The following TARS2 variants were observed in gnomAD, a reference collection of about 807,000 sequenced individuals.
TARS2 encodes threonine--tRNA ligase, mitochondrial.
In TARS2, 61 loss-of-function variants were observed where a neutral mutation model predicts 94.4. The observed-to-expected ratio is 0.65, with a 90% CI of 0.53 to 0.80. The LOEUF is 0.80. Among genes scored for constraint, TARS2 ranks in the 30% least tolerant of loss-of-function variants. The pLI is 0.00. For synonymous variants in TARS2, 359 were observed against 353.4 expected, an observed-to-expected ratio of 1.02 and a Z score of -0.18; for missense variants, 704 against 902.5, an observed-to-expected ratio of 0.78 and a Z score of 2.82.
intron 7 of TARS2, among the ~76,000 whole-genome samples, chr1:150,494,632 G>C (rs997363591): frequency 6.6e-6 from 1 of 151,882 alleles, no homozygotes; most frequent in African/African-American, 2.4e-5. Flanking sequence ...CCAGCTACTC[G>C]GGAGGCTGAG....
At chr1:150,496,381 C>A (rs1292004271) in intron 7 of TARS2, 101 bp from the exon 8 acceptor site, 11 of 1,387,666 alleles carry the variant, frequency 7.9e-6, no homozygotes, top group Non-Finnish European at 1.1e-5. Flanking sequence ...TGTCAAGAGG[C>A]ATACCTGTGA....
intron 3 of TARS2, among the ~76,000 whole-genome samples, chr1:150,490,292 A>G (rs1669325294): frequency 6.6e-6 from 1 of 151,688 alleles, no homozygotes; most frequent in Non-Finnish European, 1.5e-5. Context: ...CTAGTTTTGT[A>G]TGTTTTAGCA....
chr1:150,499,254 G>A lies in TARS2; in HGVS notation c.1578G>A (p.Trp526Ter), dbSNP rs756869375. ...CCCTGAAGGAATTTGGAGAACCCTG[G>A]GACCTCAACTCTGGAGATGGTGCCT... ...KQALKEFGEP[W>*]DLNSGDGAFY... Residue 526 changes from tryptophan to a stop codon, truncating the protein, a stop_gained, in exon 13 of 18, where the codon TGG (tryptophan) becomes TGA (stop). Transcript: ENST00000369064. LOFTEE classifies it high-confidence loss of function. 2 of 1,614,110 alleles carry A rather than the reference G, an allele frequency of 1.2e-6. No homozygotes were observed. Among genetic ancestry groups the A allele is most frequent in the East Asian group, 4.5e-5 (2 of 44,886 alleles).
chr1:150,495,224 A>G (rs1403524057), intron 7 of TARS2, among the ~76,000 whole-genome samples: 2 of 148,976 alleles, frequency 1.3e-5, no homozygotes, highest in African/African-American at 4.9e-5. Context: ...GGTGGCCTGT[A>G]GTCCCAGCTA....
chr1:150,503,545 A>ATGTGTGTGTGTG (rs368609900), intron 13 of TARS2, among the ~76,000 whole-genome samples: 3 of 95,576 alleles, frequency 3.1e-5, no homozygotes, highest in Admixed American at 1.9e-4. Flanking sequence ...AAATACACAT[A>ATGTGTGTGTGTG]TGTGTGTGTG....
chr1:150,507,366 A>G lies in TARS2; in HGVS notation c.*302A>G, dbSNP rs138986385. The G allele has an allele frequency of 0.018, 4,459 of 245,260 alleles. 191 individuals carry two copies. Among genetic ancestry groups the G allele is most frequent in the African/African-American group, 0.094 (4,148 of 44,358 alleles). 15.2% of individuals were successfully genotyped at this position (245,260 alleles called of 1,614,324 possible). On this transcript the variant is annotated 3_prime_UTR_variant, in exon 18 of 18. Coordinates refer to ENST00000369064, the MANE Select transcript of TARS2 (RefSeq NM_025150.5). ...GGACGGATCATGAGGTCAGGAGATC[A>G]AGACCACCCTGGCTAACACGGTGAA...
At chr1:150,489,774 T>G (rs183488382) in intron 3 of TARS2, among the ~76,000 whole-genome samples, 17 of 152,202 alleles carry the variant, frequency 1.1e-4, no homozygotes, top group African/African-American at 3.1e-4. Flanking sequence ...AAACCCCGTC[T>G]CTACTAAAAA....
chr1:150,507,440 A>G lies in TARS2; in HGVS notation c.*376A>G, dbSNP rs1397508645. 5.9e-5 allele frequency: 10 copies of G among 169,606 alleles called. No homozygotes were observed. The highest frequency in any genetic ancestry group is 1.7e-4 in the African/African-American group (7 of 41,678). The allele number at this position is 169,606 out of a possible 1,614,324, so 10.5% of individuals were successfully genotyped here. A position where few individuals can be genotyped will look rare whatever the true frequency, so the allele number is the denominator to read the frequency against. ...AAAAATTAGCCGGGCATGGTGGCAC[A>G]CGCCTGTAATCCCAGCTACTCAGGA... On this transcript the variant is annotated 3_prime_UTR_variant, in exon 18 of 18. Coordinates refer to ENST00000369064, the MANE Select transcript of TARS2 (RefSeq NM_025150.5).
chr1:150,500,947 A>G (rs1669885209), intron 13 of TARS2, among the ~76,000 whole-genome samples: 1 of 152,190 alleles, frequency 6.6e-6, no homozygotes, highest in Non-Finnish European at 1.5e-5. Flanking sequence ...AGAAGCCTTC[A>G]TAGAAGGGAT....
intron 4 of TARS2, among the ~76,000 whole-genome samples, chr1:150,491,147 A>G (rs1047992756): frequency 1.3e-5 from 2 of 152,106 alleles, no homozygotes; most frequent in South Asian, 2.1e-4. Context: ...CCTCATTACT[A>G]TTGTTCTAAC....
chr1:150,497,303 G>A (rs1287696644), intron 9 of TARS2, among the ~76,000 whole-genome samples: 1 of 151,928 alleles, frequency 6.6e-6, no homozygotes. Flanking sequence ...AAAAAAAGGT[G>A]GGGGGGCTGG....
At position 150,491,657 on chromosome 1, in the gene TARS2, A is replaced by C. The variant is rs1396345948; in HGVS notation, c.690A>C (p.Val230=). 6.2e-7 allele frequency: 1 copy of C among 1,614,200 alleles called. No individual in the cohort carries two copies. The highest frequency in any genetic ancestry group is 1.3e-5 in the African/African-American group (1 of 75,062). ...AAGTGACAGGTCCAACAGCAACAGTATATGGGTAAGAGTTGTCAAGATTAA... is the reference window on the plus strand; with the variant it reads ...AAGTGACAGGTCCAACAGCAACAGTCTATGGGTAAGAGTTGTCAAGATTAA... ...EEKVTGPTAT[V]YGCGTLVDLC... is the part of the protein sequence containing the mutation. Residue 230 remains valine, a synonymous_variant, in exon 6 of 18, where the codon GTA becomes GTC. Coordinates refer to ENST00000369064, the MANE Select transcript of TARS2 (RefSeq NM_025150.5).
intron 17 of TARS2, among the ~76,000 whole-genome samples, chr1:150,506,441 C>CTGCCACCTTCCACTTGCTCTAA (rs1553906056): frequency 6.6e-6 from 1 of 151,376 alleles, no homozygotes; most frequent in Non-Finnish European, 1.5e-5. Flanking sequence ...CACACCACTC[C>CTGCCACCTTCCACTTGCTCTAA]TGCCACCTTC....
chr1:150,501,794 G>C (rs933159020), intron 13 of TARS2, among the ~76,000 whole-genome samples: 1 of 151,860 alleles, frequency 6.6e-6, no homozygotes, highest in African/African-American at 2.4e-5. Flanking sequence ...TCCAGCTTGG[G>C]TAACAGAACA....
chr1:150,505,138 TC>T (rs1670145296), intron 16 of TARS2, among the ~76,000 whole-genome samples, 160 bp downstream of exon 16: 2 of 152,166 alleles, frequency 1.3e-5, no homozygotes, highest in African/African-American at 2.4e-5. Flanking sequence ...ATGCTGGAAA[TC>T]CTGTATCTAA....
chr1:150,491,961 GTTTTTTTTTTT>G (rs367685337), intron 6 of TARS2: 127 of 128,748 alleles, frequency 9.9e-4, no homozygotes, highest in Middle Eastern at 9.9e-3. Flanking sequence ...TGCCTGGCTA[GTTTTTTTTTTT>G]TTTTTTTTTT....
Position 150,504,939 on chromosome 1 carries a change from C to T in TARS2, c.1854C>T (p.Val618=), listed in dbSNP as rs1670134806. The change falls in exon 16 of 18, where the codon GTC becomes GTT. Residue 618 remains valine (V), a synonymous_variant. Transcript: ENST00000369064. ...GGCTGTCCCCGTTCCAGGTGGTGGT[C>T]ATCCCTGTGGGGAGTGAGCAAGAGG... ...PLWLSPFQVV[V]IPVGSEQEEY... The T allele has an allele frequency of 6.2e-7, 1 of 1,614,036 alleles. No individual in the cohort carries two copies. The highest frequency in any genetic ancestry group is 1.7e-5 in the Admixed American group (1 of 59,992).
rs919000297 is a variant in TARS2 at position 150,497,868 on chromosome 1, G to C, written c.1238+121G>C. On this transcript the variant is annotated intron_variant, in intron 10 of 17. Transcript: ENST00000369064. ...ACACTTTGGGAGGCCGAGGCGGGCG[G>C]ATCACCTGAGGTCGGGAGTTTGAGA... 21 of 987,004 alleles carry C rather than the reference G, an allele frequency of 2.1e-5. No individual in the cohort carries two copies. The Admixed American group carries it at 5.4e-4, about 25-fold the overall frequency. The allele number at this position is 987,004 out of a possible 1,614,324, so 61.1% of individuals were successfully genotyped here. A position where few individuals can be genotyped will look rare whatever the true frequency, so the allele number is the denominator to read the frequency against.
At chr1:150,503,672 T>C (rs1334111527) in intron 13 of TARS2, among the ~76,000 whole-genome samples, 2 of 149,906 alleles carry the variant, frequency 1.3e-5, no homozygotes, top group Non-Finnish European at 3.0e-5. Context: ...TGTATATATG[T>C]GTGTATATAT....
Sources: allele counts gnomAD v4.1 joint callset (sites outside exome capture counted in the v4.1 genomes callset), GRCh38; gene constraint gnomAD v4.1.1; transcripts MANE v1.5; gene names NCBI Gene and HGNC (gene_info 2026-07-23, HGNC 2026-07-21).